Variants in KIAA1958 observed in about 807,000 individuals in gnomAD.
KIAA1958 encodes the protein uncharacterized protein KIAA1958.
A neutral mutation model predicts 47.2 loss-of-function variants in KIAA1958; 14 were observed. The observed-to-expected ratio is 0.30, with a 90% confidence interval of 0.20 to 0.46. The LOEUF (loss-of-function observed/expected upper bound fraction) is 0.46, where lower values mean the gene tolerates loss of function less well. KIAA1958 is among the 20% of genes least tolerant of loss of function. KIAA1958 has a pLI of 1.00. For synonymous variants in KIAA1958, 354 were observed against 353.3 expected, an observed-to-expected ratio of 1.00 and a Z score of -0.02; for missense variants, 803 against 909.2, an observed-to-expected ratio of 0.88 and a Z score of 1.50.
intron 1 of KIAA1958, among the ~76,000 whole-genome samples, chr9:112,551,563 C>G (rs1310141878): frequency 6.6e-6 from 1 of 152,120 alleles, no homozygotes; most frequent in African/African-American, 2.4e-5. Context: ...ATAATTGAAA[C>G]TGTGCTAATC....
chr9:112,567,541 C>T (rs997837259), intron 1 of KIAA1958, among the ~76,000 whole-genome samples: 1 of 152,178 alleles, frequency 6.6e-6, no homozygotes, highest in Non-Finnish European at 1.5e-5. Flanking sequence ...TCCCAAAACC[C>T]CACCCAGTGA....
chr9:112,668,681 C>T lies in KIAA1958; in HGVS notation c.*8612C>T, dbSNP rs1837382296. The T allele has an allele frequency of 6.6e-6, 1 of 152,210 alleles. No individual in the cohort carries two copies. The highest frequency in any genetic ancestry group is 2.1e-4 in the South Asian group (1 of 4,830). The allele number at this position is 152,210 out of a possible 1,614,324, so 9.4% of individuals were successfully genotyped here. A position where few individuals can be genotyped will look rare whatever the true frequency, so the allele number is the denominator to read the frequency against. The stretch of plus-strand genomic sequence containing the variant: ...AAACTCTAAACTAAATTTTCAATGA[C>T]ACCAGCATGTTTGCTTTAAATTTAG... On this transcript the variant is annotated 3_prime_UTR_variant, in exon 4 of 4. Transcript: ENST00000337530.
At position 112,618,268 on chromosome 9, in the gene KIAA1958, T is replaced by C. The variant is rs1240867760; in HGVS notation, c.1172-27382T>C. On this transcript the variant is annotated intron_variant, in intron 2 of 3. Coordinates refer to ENST00000337530, the MANE Select transcript of KIAA1958 (RefSeq NM_133465.4). This position sits in a 1 kb window ranked among gnomAD's most constrained non-coding sequence, Gnocchi z 7.1. Reference sequence around the variant, plus strand: ...ACAAGTCCATGAAGCTCACCTTTGCTGACGAGCTCATCCTGCGGAAAAGGG... The same window carrying C: ...ACAAGTCCATGAAGCTCACCTTTGCCGACGAGCTCATCCTGCGGAAAAGGG... 2 of 1,550,898 alleles carry C rather than the reference T, an allele frequency of 1.3e-6. No homozygotes were observed. Among genetic ancestry groups the C allele is most frequent in the Admixed American group, 2.0e-5 (1 of 51,006 alleles).
chr9:112,625,921 T>C (rs796928828), intron 2 of KIAA1958, among the ~76,000 whole-genome samples: 31 of 152,346 alleles, frequency 2.0e-4, no homozygotes, highest in African/African-American at 7.2e-4. Context: ...ATTCTAGTTA[T>C]AGATTATGAA....
In KIAA1958 at chr9:112,666,733, A is replaced by T. The variant is rs750783088; in HGVS notation, c.*6664A>T. ...AAACAGGCCCTGTGAAATTAAAAAC[A>T]TGAAAGCTATTTAGTACTTGTCCTC... On this transcript the variant is annotated 3_prime_UTR_variant, in exon 4 of 4. Coordinates refer to ENST00000337530, the MANE Select transcript of KIAA1958 (RefSeq NM_133465.4). 1 of 152,232 alleles carries T rather than the reference A, an allele frequency of 6.6e-6. No individual in the cohort carries two copies. Among genetic ancestry groups the T allele is most frequent in the Non-Finnish European group, 1.5e-5 (1 of 68,044 alleles). The allele number at this position is 152,232 out of a possible 1,614,324, so 9.4% of individuals were successfully genotyped here.
At chr9:112,616,605 C>A (rs1836411469) in intron 2 of KIAA1958, among the ~76,000 whole-genome samples, 1 of 152,132 alleles carries the variant, frequency 6.6e-6, no homozygotes, top group Admixed American at 6.5e-5. Flanking sequence ...TTGAAATTAA[C>A]CTCTGTGTTT....
chr9:112,611,116 A>T (rs1836320292), intron 2 of KIAA1958, among the ~76,000 whole-genome samples: 1 of 152,244 alleles, frequency 6.6e-6, no homozygotes, highest in African/African-American at 2.4e-5. Context: ...ATTTAACCCC[A>T]AGGTTATCAT....
At chr9:112,591,997 G>A (rs1442199540) in intron 2 of KIAA1958, among the ~76,000 whole-genome samples, 3 of 152,106 alleles carry the variant, frequency 2.0e-5, no homozygotes, top group African/African-American at 4.8e-5. Flanking sequence ...CTGCTGTGTC[G>A]TTCCTCTATT....
chr9:112,659,562 G>A lies in KIAA1958; in HGVS notation c.1644G>A (p.Gly548=), dbSNP rs1437748997. 1 of 1,613,066 alleles carries A rather than the reference G, an allele frequency of 6.2e-7. No homozygotes were observed. The highest frequency in any genetic ancestry group is 1.3e-5 in the African/African-American group (1 of 74,980). The change falls in exon 4 of 4, where the codon GGG becomes GGA. Residue 548 remains glycine, a synonymous_variant. Coordinates refer to ENST00000337530, the MANE Select transcript of KIAA1958 (RefSeq NM_133465.4). The part of the protein sequence containing the change: ...EEEMWQAGCL[G]DDSPITLLST... ...AGATGTGGCAGGCAGGGTGTCTGGG[G>A]GATGACAGCCCTATCACTCTCCTGT...
At chr9:112,582,750 C>T (rs1239263748) in intron 2 of KIAA1958, among the ~76,000 whole-genome samples, 3 of 151,630 alleles carry the variant, frequency 2.0e-5, no homozygotes, top group Admixed American at 6.6e-5. Flanking sequence ...ACAAAAAAAC[C>T]GAATCCATAA....
chr9:112,607,359 CGTG>C (rs1304910892), intron 2 of KIAA1958, among the ~76,000 whole-genome samples: 2 of 151,348 alleles, frequency 1.3e-5, no homozygotes, highest in Non-Finnish European at 2.9e-5. Flanking sequence ...AAAAAAAAGG[CGTG>C]GGAATGTAGA....
chr9:112,582,648 G>T (rs1163859271), intron 2 of KIAA1958: 1 of 152,766 alleles, frequency 6.5e-6, no homozygotes, highest in Non-Finnish European at 1.5e-5. Flanking sequence ...ATCCTTTAGA[G>T]GATCAGATAG....
intron 1 of KIAA1958, among the ~76,000 whole-genome samples, chr9:112,551,809 C>G (rs1835157307): frequency 6.6e-6 from 1 of 152,184 alleles, no homozygotes; most frequent in Non-Finnish European, 1.5e-5. Flanking sequence ...TCCACAGTTG[C>G]TGTCTGATCT....
chr9:112,535,296 T>G (rs1834833248), intron 1 of KIAA1958, among the ~76,000 whole-genome samples: 1 of 152,184 alleles, frequency 6.6e-6, no homozygotes, highest in South Asian at 2.1e-4. Flanking sequence ...TTCTGTGAGT[T>G]CAACTTTTTT....
chr9:112,586,372 G>A (rs1324144073), intron 2 of KIAA1958, among the ~76,000 whole-genome samples: 1 of 152,142 alleles, frequency 6.6e-6, no homozygotes, highest in Non-Finnish European at 1.5e-5. Flanking sequence ...TATTTTTGTG[G>A]ACTAGTGACC....
At chr9:112,555,754 C>T (rs1030772800) in intron 1 of KIAA1958, among the ~76,000 whole-genome samples, 1 of 152,164 alleles carries the variant, frequency 6.6e-6, no homozygotes, top group African/African-American at 2.4e-5. Context: ...AGAGTGGAAC[C>T]CTCATGACTT....
chr9:112,511,614 T>C, intron 1 of KIAA1958, among the ~76,000 whole-genome samples: 1 of 152,122 alleles, frequency 6.6e-6, no homozygotes, highest in East Asian at 1.9e-4. Flanking sequence ...TGACCTCAGG[T>C]TTTACCTTAT....
chr9:112,601,968 T>C lies in KIAA1958; in HGVS notation c.1171+26717T>C, dbSNP rs934293684. ...TAAGAAATGTGTTTTACTTCCACTA[T>C]TGGAAAAGATTAACCAAGCATAAAA... On this transcript the variant is annotated intron_variant, in intron 2 of 3. Transcript: ENST00000337530. 2.0e-4 allele frequency among the ~76,000 whole-genome samples: 31 copies of C among 152,276 alleles called. No homozygotes were observed. In the East Asian group the frequency reaches 5.4e-3, roughly 27 times the overall value.
chr9:112,520,191 A>G lies in KIAA1958; in HGVS notation c.-25+33073A>G, dbSNP rs142492972. On this transcript the variant is annotated intron_variant, in intron 1 of 3. Coordinates refer to ENST00000337530, the MANE Select transcript of KIAA1958 (RefSeq NM_133465.4). ...ACTTAAGATGGAAAATAGAAAAGAT[A>G]GAGGTAGATGGACATGCTATCTGCA... Among the ~76,000 whole-genome samples the G allele has an allele frequency of 9.8e-3, 1,494 of 152,374 alleles. 6 individuals are homozygous for G. Among genetic ancestry groups the G allele is most frequent in the Non-Finnish European group, 0.016 (1,104 of 68,026 alleles).
Sources: allele counts gnomAD v4.1 joint callset (sites outside exome capture counted in the v4.1 genomes callset), GRCh38; gene constraint gnomAD v4.1.1; non-coding constraint Gnocchi (gnomAD v3.1); transcripts MANE v1.5; gene names NCBI Gene and HGNC (gene_info 2026-07-23, HGNC 2026-07-21).